The following LMO7 variants were observed in gnomAD, a reference collection of about 807,000 sequenced individuals.
LMO7 encodes LIM domain only protein 7.
A neutral mutation model predicts 206.5 loss-of-function variants in LMO7; 120 were observed. The ratio of observed to expected loss-of-function variants is 0.58; its 90% CI spans 0.50 to 0.68. The LOEUF (loss-of-function observed/expected upper bound fraction) is 0.68, where lower values mean the gene tolerates loss of function less well. Among genes scored for constraint, LMO7 ranks in the 30% least tolerant of loss-of-function variants. The probability of loss-of-function intolerance (pLI) is 0.00; values close to 1 mark genes in which losing one functional copy is unlikely to be tolerated. For missense variants in LMO7, 1,959 were observed against 1,957.9 expected (o/e 1.00, Z -0.01); for synonymous variants, 706 against 681.5 (o/e 1.04, Z -0.56).
At chr13:75,637,471 G>T (rs1044030993) in intron 1 of LMO7, among the ~76,000 whole-genome samples, 1 of 152,108 alleles carries the variant, frequency 6.6e-6, no homozygotes, top group East Asian at 1.9e-4. Flanking sequence ...TCTGTAGAAG[G>T]TTAACATCAG....
intron 7 of LMO7, among the ~76,000 whole-genome samples, chr13:75,803,501 C>T (rs1432203923): frequency 6.6e-6 from 1 of 152,172 alleles, no homozygotes; most frequent in Non-Finnish European, 1.5e-5. Context: ...TTGTTCTCCC[C>T]CCTTTTCTTC....
intron 1 of LMO7, among the ~76,000 whole-genome samples, chr13:75,712,173 T>C (rs918155018): frequency 1.3e-5 from 2 of 152,192 alleles, no homozygotes; most frequent in Non-Finnish European, 2.9e-5. Context: ...TAAAGGTCCC[T>C]TCGTTGAGCC....
At position 75,648,300 on chromosome 13, in the gene LMO7, T is replaced by C. The variant is rs548999211; in HGVS notation, c.69+11574T>C. ...CTGTTACTTGAATTAAAAGGTATTA[T>C]TATTTTTAAAAATCATTTTATATAA... On this transcript the variant is annotated intron_variant, in intron 1 of 30. Coordinates refer to ENST00000377534, the MANE Select transcript of LMO7 (RefSeq NM_001306080.2). Among the ~76,000 whole-genome samples the C allele has an allele frequency of 2.6e-5, 4 of 152,316 alleles. No homozygotes were observed. In the South Asian group the frequency reaches 8.3e-4, roughly 32 times the overall value.
intron 2 of LMO7, among the ~76,000 whole-genome samples, chr13:75,719,608 G>T (rs950814708): frequency 1.9e-4 from 29 of 152,094 alleles, no homozygotes; most frequent in Admixed American, 1.8e-3. Context: ...TTCACTTGCT[G>T]TCTGTCCTTC....
chr13:75,756,825 T>A (rs1205118380), intron 3 of LMO7, among the ~76,000 whole-genome samples: 5 of 152,128 alleles, frequency 3.3e-5, no homozygotes, highest in African/African-American at 1.2e-4. Flanking sequence ...GATGATGAGA[T>A]TTTGGACTTT....
At chr13:75,809,217 C>T (rs9530469) in intron 11 of LMO7, 34 bp downstream of exon 11, 169,459 of 1,578,394 alleles carry the variant, frequency 0.11, 10,083 homozygotes, top group South Asian at 0.12. Flanking sequence ...AAAATCTGTG[C>T]GTGTTGTTTG....
intron 4 of LMO7, among the ~76,000 whole-genome samples, chr13:75,794,256 G>T (rs1426925187): frequency 1.3e-5 from 2 of 152,146 alleles, no homozygotes; most frequent in African/African-American, 2.4e-5. Context: ...TTAAGTAGTT[G>T]TACCAATTTA....
At chr13:75,665,618 C>T (rs1055800903) in intron 1 of LMO7, among the ~76,000 whole-genome samples, 1 of 152,056 alleles carries the variant, frequency 6.6e-6, no homozygotes, top group Admixed American at 6.6e-5. Context: ...CCTCCGCCTC[C>T]TGGGTTCAAG....
intron 3 of LMO7, among the ~76,000 whole-genome samples, chr13:75,741,055 T>G (rs2046368119): frequency 6.6e-6 from 1 of 152,208 alleles, no homozygotes; most frequent in South Asian, 2.1e-4. Context: ...TTCTTTCATT[T>G]CCTAATAGAG....
chr13:75,810,382 G>A (rs1202809841), intron 11 of LMO7, among the ~76,000 whole-genome samples: 1 of 152,126 alleles, frequency 6.6e-6, no homozygotes, highest in African/African-American at 2.4e-5. Context: ...AGAAATGTTG[G>A]AAGCTACTAA....
At chr13:75,838,992 A>T (rs781716087) in intron 20 of LMO7, among the ~76,000 whole-genome samples, 1 of 152,204 alleles carries the variant, frequency 6.6e-6, no homozygotes, top group Admixed American at 6.5e-5. Context: ...TACTTTTAAG[A>T]CTATTAACAC....
intron 2 of LMO7, among the ~76,000 whole-genome samples, chr13:75,626,595 A>ATATATATTTTTTTTTTTTTTTTT: frequency 2.8e-5 from 2 of 71,182 alleles, no homozygotes; most frequent in Non-Finnish European, 7.2e-5. Flanking sequence ...ATATATATAA[A>ATATATATTTTTTTTTTTTTTTTT]TTTTTTTGAG....
rs866419471 is a variant in LMO7, at chr13:75,658,628, G to C, written c.69+21902G>C. Among the ~76,000 whole-genome samples, 5 of 152,182 alleles carry C rather than the reference G, an allele frequency of 3.3e-5. No homozygotes were observed. In the Middle Eastern group the frequency reaches 0.01, roughly 311 times the overall value. On this transcript the variant is annotated intron_variant, in intron 1 of 30. Transcript: ENST00000377534. ...AGATGGAATCTCGCTCTGTCGCCCA[G>C]GCTGGAGTGCAGTGGCGCGATCTCG...
Position 75,831,261 on chromosome 13 carries a change from C to A in LMO7, c.2950-1790C>A, listed in dbSNP as rs901160839. Among the ~76,000 whole-genome samples, 124 of 152,266 alleles carry A rather than the reference C, an allele frequency of 8.1e-4. 1 individual carries two copies. The highest frequency in any genetic ancestry group is 2.9e-3 in the African/African-American group (121 of 41,548). ...AATCCCATACCCACTGAGATATAAA[C>A]AATTATTTTTTGAGAGCGAGAATCA... On this transcript the variant is annotated intron_variant, in intron 15 of 30. Transcript: ENST00000377534.
intron 2 of LMO7, chr13:75,627,783 C>T (rs1248375739): frequency 6.6e-6 from 1 of 151,880 alleles, no homozygotes; most frequent in Admixed American, 6.6e-5. Flanking sequence ...CCAGAAGCTG[C>T]AATAGTTTAT....
chr13:75,624,710 C>T (rs1231408710), intron 2 of LMO7, among the ~76,000 whole-genome samples: 1 of 152,182 alleles, frequency 6.6e-6, no homozygotes, highest in Non-Finnish European at 1.5e-5. Flanking sequence ...GCAGGAAACT[C>T]CCGTTTTTAA....
intron 1 of LMO7, among the ~76,000 whole-genome samples, chr13:75,700,026 A>G (rs565591178): frequency 1.8e-4 from 28 of 152,314 alleles, no homozygotes; most frequent in African/African-American, 6.5e-4. Context: ...TATTTCTCCT[A>G]TTCGCTTTTA....
At chr13:75,832,136 A>G (rs894321911) in intron 15 of LMO7, among the ~76,000 whole-genome samples, 24 of 152,196 alleles carry the variant, frequency 1.6e-4, no homozygotes, top group Admixed American at 2.6e-4. Flanking sequence ...TCATAAATTC[A>G]TATTAAAATC....
chr13:75,715,117 C>T lies in LMO7; in HGVS notation c.140+1865C>T, dbSNP rs777327773. Among the ~76,000 whole-genome samples the T allele has an allele frequency of 3.9e-5, 6 of 152,024 alleles. No homozygotes were observed. The East Asian group carries it at 9.6e-4, about 24-fold the overall frequency. Reference sequence around the variant, plus strand: ...GGGGTCCCACTTTTGGGGCATTGACCCCATAAATAGATCATTAAACATGTT... The same window carrying T: ...GGGGTCCCACTTTTGGGGCATTGACTCCATAAATAGATCATTAAACATGTT... On this transcript the variant is annotated intron_variant, in intron 2 of 30. Coordinates refer to ENST00000377534, the MANE Select transcript of LMO7 (RefSeq NM_001306080.2).
Sources: allele counts gnomAD v4.1 joint callset (sites outside exome capture counted in the v4.1 genomes callset), GRCh38; gene constraint gnomAD v4.1.1; transcripts MANE v1.5; gene names NCBI Gene and HGNC (gene_info 2026-07-23, HGNC 2026-07-21).